The following PLCE1 variants were observed in gnomAD, a reference collection of about 807,000 sequenced individuals.
The protein encoded by PLCE1 is 1-phosphatidylinositol 4,5-bisphosphate phosphodiesterase epsilon-1.
A neutral mutation model predicts 242.8 loss-of-function variants in PLCE1; 119 were observed. That is an observed-to-expected ratio of 0.49 (90% CI 0.42 to 0.57). The LOEUF (loss-of-function observed/expected upper bound fraction) is 0.57, where lower values mean the gene tolerates loss of function less well. Among genes scored for constraint, PLCE1 ranks in the 20% least tolerant of loss-of-function variants. The pLI is 0.00. For missense variants in PLCE1, 2,441 were observed against 2,788.8 expected (o/e 0.88, Z 2.81); for synonymous variants, 945 against 1,017.4 (o/e 0.93, Z 1.35).
At chr10:94,157,695 A>G (rs528092300) in intron 3 of PLCE1, among the ~76,000 whole-genome samples, 59 of 152,346 alleles carry the variant, frequency 3.9e-4, no homozygotes, top group African/African-American at 1.4e-3. Flanking sequence ...TCTGATGTGT[A>G]AAGTGTGGAA....
intron 29 of PLCE1, among the ~76,000 whole-genome samples, chr10:94,319,862 C>CTTTTTTTTTTT (rs1564894048): frequency 1.2e-5 from 1 of 86,198 alleles, no homozygotes; most frequent in Non-Finnish European, 2.6e-5. Flanking sequence ...CTCAAAGGTG[C>CTTTTTTTTTTT]TCTTTTTTTT....
chr10:94,079,245 G>C (rs2135211450), intron 2 of PLCE1, among the ~76,000 whole-genome samples: 1 of 152,260 alleles, frequency 6.6e-6, no homozygotes, highest in African/African-American at 2.4e-5. Flanking sequence ...GAAAGCATTG[G>C]AGCAAATCTG....
rs374607765 is a variant in PLCE1, at chr10:94,153,192, C to T, written c.1493-17988C>T. 7.9e-5 allele frequency among the ~76,000 whole-genome samples: 12 copies of T among 151,996 alleles called. No homozygotes were observed. The East Asian group carries it at 9.6e-4, about 12-fold the overall frequency. On this transcript the variant is annotated intron_variant, in intron 3 of 32. Transcript: ENST00000371380. ...AACGACAGTAAATGTCTGTTGGTCT[C>T]GTACAAAGCTCTTCTCAGTTAGACC...
intron 3 of PLCE1, chr10:94,138,141 C>A (rs927357845): frequency 2.6e-6 from 1 of 392,098 alleles, no homozygotes; most frequent in Non-Finnish European, 5.0e-6. Flanking sequence ...ATGAACCAGA[C>A]TGCACCATGC....
At chr10:94,209,981 T>C (rs7086380) in intron 4 of PLCE1, among the ~76,000 whole-genome samples, 11 of 152,066 alleles carry the variant, frequency 7.2e-5, no homozygotes, top group Admixed American at 3.9e-4. Flanking sequence ...TATCACACAA[T>C]TGGTGATACT....
At chr10:94,023,586 T>C (rs1248005064) in intron 1 of PLCE1, among the ~76,000 whole-genome samples, 2 of 152,162 alleles carry the variant, frequency 1.3e-5, no homozygotes, top group African/African-American at 4.8e-5. Flanking sequence ...TTATGATGAT[T>C]TGCACGCTGA....
intron 4 of PLCE1, among the ~76,000 whole-genome samples, chr10:94,202,688 C>T (rs2049023143): frequency 6.6e-6 from 1 of 152,320 alleles, no homozygotes; most frequent in South Asian, 2.1e-4. Context: ...CCCTTGGCTA[C>T]AAGGTGTGTC....
intron 4 of PLCE1, among the ~76,000 whole-genome samples, chr10:94,198,591 A>C (rs759521966): frequency 3.3e-5 from 5 of 152,256 alleles, no homozygotes; most frequent in Non-Finnish European, 7.3e-5. Flanking sequence ...TTTTCATCCC[A>C]AAAGTTCCTT....
intron 4 of PLCE1, among the ~76,000 whole-genome samples, chr10:94,212,316 G>A (rs2049363597): frequency 6.6e-6 from 1 of 152,166 alleles, no homozygotes; most frequent in South Asian, 2.1e-4. Context: ...GAGTGCAGTG[G>A]TGCCATCTCA....
chr10:94,264,046 G>A (rs1412561347), intron 14 of PLCE1, among the ~76,000 whole-genome samples: 1 of 152,150 alleles, frequency 6.6e-6, no homozygotes, highest in Non-Finnish European at 1.5e-5. Context: ...TAAGATAAAA[G>A]TTCTGGTCCT....
intron 2 of PLCE1, among the ~76,000 whole-genome samples, chr10:94,043,026 C>T (rs1353488226): frequency 6.6e-6 from 1 of 152,170 alleles, no homozygotes; most frequent in South Asian, 2.1e-4. Flanking sequence ...TCCATAATCA[C>T]ACCATTAGAA....
chr10:94,139,616 G>A (rs572222014), intron 3 of PLCE1: 1 of 152,210 alleles, frequency 6.6e-6, no homozygotes, highest in Non-Finnish European at 1.5e-5. Flanking sequence ...TAAATATCTT[G>A]GGGACTAGAG....
chr10:94,104,248 G>A (rs1298762098), intron 2 of PLCE1: 2 of 152,208 alleles, frequency 1.3e-5, no homozygotes, highest in African/African-American at 4.8e-5. Context: ...ACCCTATGAA[G>A]GGGAAAGTGA....
rs1483973768 is a variant in PLCE1 at position 94,132,213 on chromosome 10, G to A, written c.1246G>A (p.Val416Ile). The change falls in exon 3 of 33, where the codon GTT becomes ATT. Residue 416 changes from valine to isoleucine, a missense_variant. Transcript: ENST00000371380. ...GAGAAGAGAAGAAACAGAAAATACA[G>A]TTGGATCTCTACTCCATTTCCTCAC... ...AVRREETENT[V>I]GSLLHFLTKL... The A allele has an allele frequency of 6.8e-6, 11 of 1,614,114 alleles. No homozygotes were observed. The highest frequency in any genetic ancestry group is 1.3e-5 in the African/African-American group (1 of 75,046).
intron 4 of PLCE1, among the ~76,000 whole-genome samples, chr10:94,188,865 A>G (rs948674092): frequency 6.6e-6 from 1 of 152,110 alleles, no homozygotes; most frequent in Non-Finnish European, 1.5e-5. Flanking sequence ...TTGGCCTCCC[A>G]AAGTGCCAGG....
rs1254332280 is a variant in PLCE1, at chr10:94,262,742, T to C, written c.4053+10T>C. 6.5e-7 allele frequency: 1 copy of C among 1,548,166 alleles called. No homozygotes were observed. Among genetic ancestry groups the C allele is most frequent in the Admixed American group, 1.7e-5 (1 of 59,948 alleles). On this transcript the variant is annotated intron_variant, in intron 14 of 32. Coordinates refer to ENST00000371380, the MANE Select transcript of PLCE1 (RefSeq NM_016341.4). ...CCTCAGCATCATCCAGGTTTGTGCCTGTTTTGTGTGTGCATGTGTGTGTGA... is the reference window on the plus strand; with the variant it reads ...CCTCAGCATCATCCAGGTTTGTGCCCGTTTTGTGTGTGCATGTGTGTGTGA...
intron 3 of PLCE1, among the ~76,000 whole-genome samples, chr10:94,169,670 A>G (rs1211335893): frequency 6.6e-6 from 1 of 152,242 alleles, no homozygotes; most frequent in Non-Finnish European, 1.5e-5. Context: ...TTGTTTAGGA[A>G]AAAATAAATA....
intron 4 of PLCE1, among the ~76,000 whole-genome samples, chr10:94,208,744 A>C (rs986888824): frequency 6.6e-6 from 1 of 152,208 alleles, no homozygotes; most frequent in Non-Finnish European, 1.5e-5. Context: ...CTACAATAGG[A>C]TATTCTGAAG....
intron 19 of PLCE1, among the ~76,000 whole-genome samples, chr10:94,279,118 A>T (rs1022377248): frequency 6.6e-6 from 1 of 152,032 alleles, no homozygotes; most frequent in Admixed American, 6.6e-5. Context: ...TATATTTCAG[A>T]TGATTTTCTT....
Sources: allele counts gnomAD v4.1 joint callset (sites outside exome capture counted in the v4.1 genomes callset), GRCh38; gene constraint gnomAD v4.1.1; transcripts MANE v1.5; gene names NCBI Gene and HGNC (gene_info 2026-07-23, HGNC 2026-07-21).